The following OR9Q1 variants were observed in gnomAD, a reference collection of about 807,000 sequenced individuals.
OR9Q1 encodes olfactory receptor 9Q1.
For missense variants in OR9Q1, 374 were observed against 378.8 expected (o/e 0.99, Z 0.11); for synonymous variants, 153 against 148.6 (o/e 1.03, Z -0.22).
intron 2 of OR9Q1, among the ~76,000 whole-genome samples, chr11:58,122,083 G>C (rs974434905): frequency 6.6e-6 from 1 of 152,120 alleles, no homozygotes; most frequent in Non-Finnish European, 1.5e-5. Flanking sequence ...AAGAGGTTTT[G>C]AACTTGTGAT....
chr11:58,178,744 G>C (rs1398150713), intron 2 of OR9Q1, among the ~76,000 whole-genome samples: 4 of 151,690 alleles, frequency 2.6e-5, no homozygotes, highest in Non-Finnish European at 5.9e-5. Flanking sequence ...GTGCACCCCT[G>C]TTCTGAGAAT....
chr11:58,074,263 A>G (rs1853517572), intron 2 of OR9Q1, among the ~76,000 whole-genome samples: 1 of 152,040 alleles, frequency 6.6e-6, no homozygotes, highest in Non-Finnish European at 1.5e-5. Context: ...CTTCCTCTCC[A>G]GTATCTGTTG....
At position 58,180,227 on chromosome 11, in the gene OR9Q1, T is replaced by G. The variant is rs756811046; in HGVS notation, c.783T>G (p.Gly261=). ...FGTLIFMYLR[G]NSDQSSEKNR... Reference sequence around the variant, plus strand: ...CCCTCATCTTCATGTACTTGAGAGGTAACTCAGATCAGTCTTCGGAGAAGA... The same window carrying G: ...CCCTCATCTTCATGTACTTGAGAGGGAACTCAGATCAGTCTTCGGAGAAGA... The change falls in exon 3 of 3, where the codon GGT becomes GGG. Residue 261 remains glycine (G), a synonymous_variant. Coordinates refer to ENST00000335397, the MANE Select transcript of OR9Q1 (RefSeq NM_001005212.4). 9 of 1,614,096 alleles carry G rather than the reference T, an allele frequency of 5.6e-6. No homozygotes were observed. The African/African-American group carries it at 1.2e-4, about 22-fold the overall frequency.
intron 2 of OR9Q1, among the ~76,000 whole-genome samples, chr11:58,097,886 T>C (rs925087079): frequency 2.0e-5 from 3 of 152,132 alleles, no homozygotes; most frequent in Non-Finnish European, 4.4e-5. Flanking sequence ...TTGTGTAAAA[T>C]TGTAAAAAAT....
intron 1 of OR9Q1, among the ~76,000 whole-genome samples, chr11:58,035,177 C>T (rs112469632): frequency 6.6e-6 from 1 of 151,968 alleles, no homozygotes; most frequent in Admixed American, 6.6e-5. Flanking sequence ...GAGAAGTGAG[C>T]CTTAGGTCAA....
At chr11:58,043,548 T>C (rs1853187235) in intron 1 of OR9Q1, among the ~76,000 whole-genome samples, 1 of 152,214 alleles carries the variant, frequency 6.6e-6, no homozygotes, top group African/African-American at 2.4e-5. Context: ...ACCTGCTTCC[T>C]ATATCTTGCA....
intron 1 of OR9Q1, among the ~76,000 whole-genome samples, chr11:58,048,661 C>T (rs1853244687): frequency 9.6e-6 from 1 of 104,222 alleles, no homozygotes; most frequent in Non-Finnish European, 2.0e-5. Context: ...AGAGCAAGGA[C>T]TCCATCTTAA....
At chr11:58,119,568 T>C in intron 2 of OR9Q1, 1 of 655,462 alleles carries the variant, frequency 1.5e-6, no homozygotes, top group Non-Finnish European at 2.5e-6. Context: ...ATTTGTAGAG[T>C]TTGTTTTTAA....
chr11:58,116,519 T>C (rs1220909154), intron 2 of OR9Q1, among the ~76,000 whole-genome samples: 2 of 152,258 alleles, frequency 1.3e-5, no homozygotes, highest in African/African-American at 2.4e-5. Context: ...AAATTCTTGC[T>C]AACTTAGTGA....
At chr11:58,096,549 G>A (rs1252648532) in intron 2 of OR9Q1, among the ~76,000 whole-genome samples, 1 of 151,810 alleles carries the variant, frequency 6.6e-6, no homozygotes, top group South Asian at 2.1e-4. Context: ...GAGTCTTGCT[G>A]TGTCACCCAG....
chr11:58,070,114 G>T (rs11229244), intron 2 of OR9Q1, among the ~76,000 whole-genome samples: 5 of 151,440 alleles, frequency 3.3e-5, no homozygotes, highest in Admixed American at 2.0e-4. Context: ...CTATTCTCCT[G>T]CCTCAGCCTC....
rs183696706 is a variant in OR9Q1, at chr11:58,091,679, G to T, written c.-15+35732G>T. ...TTAGGCCCTCTTGGTGCAGAGCTGA[G>T]TTCAAGTCCTAAGTATTCTTGTTAA... On this transcript the variant is annotated intron_variant, in intron 2 of 2. Transcript: ENST00000335397. Among the ~76,000 whole-genome samples, 5 of 152,304 alleles carry T rather than the reference G, an allele frequency of 3.3e-5. No homozygotes were observed. In the East Asian group the frequency reaches 5.8e-4, roughly 18 times the overall value.
At chr11:58,143,077 G>T (rs1052677859) in intron 2 of OR9Q1, among the ~76,000 whole-genome samples, 2 of 152,126 alleles carry the variant, frequency 1.3e-5, no homozygotes, top group African/African-American at 4.8e-5. Flanking sequence ...CAACCCTAAA[G>T]AAAGGTGGAG....
intron 2 of OR9Q1, among the ~76,000 whole-genome samples, chr11:58,120,827 T>TAC (rs1554969523): frequency 1.2e-4 from 18 of 145,088 alleles, no homozygotes; most frequent in East Asian, 2.0e-4. Context: ...TATATATATA[T>TAC]ACATATATTC....
At chr11:58,128,183 T>G (rs1038473304) in intron 2 of OR9Q1, among the ~76,000 whole-genome samples, 2 of 138,994 alleles carry the variant, frequency 1.4e-5, no homozygotes, top group Admixed American at 7.1e-5. Flanking sequence ...AATAATATAT[T>G]AATAGAAAAA....
intron 2 of OR9Q1, among the ~76,000 whole-genome samples, chr11:58,178,252 G>A (rs968499144): frequency 2.0e-4 from 30 of 152,252 alleles, no homozygotes; most frequent in Non-Finnish European, 3.2e-4. Context: ...AATAATTTGC[G>A]TATTTCGAAC....
chr11:58,137,967 T>C (rs1475018682), intron 2 of OR9Q1, among the ~76,000 whole-genome samples: 1 of 152,212 alleles, frequency 6.6e-6, no homozygotes, highest in Non-Finnish European at 1.5e-5. Flanking sequence ...TAGAACAGGA[T>C]GCATCATTTG....
At chr11:58,040,307 G>C (rs7130488) in intron 1 of OR9Q1, among the ~76,000 whole-genome samples, 2 of 151,842 alleles carry the variant, frequency 1.3e-5, no homozygotes. Context: ...ACAACAACCC[G>C]AAGATGAAGT....
chr11:58,089,174 A>G (rs756014841), intron 2 of OR9Q1, among the ~76,000 whole-genome samples: 82 of 151,432 alleles, frequency 5.4e-4, no homozygotes, highest in Non-Finnish European at 9.0e-4. Flanking sequence ...CACCATGCCC[A>G]GCCGTTGCAA....
Sources: allele counts gnomAD v4.1 joint callset (sites outside exome capture counted in the v4.1 genomes callset), GRCh38; gene constraint gnomAD v4.1.1; transcripts MANE v1.5; gene names NCBI Gene and HGNC (gene_info 2026-07-23, HGNC 2026-07-21).